The following GPSM1 variants were observed in gnomAD, a reference collection of about 807,000 sequenced individuals.
GPSM1 encodes G protein signaling modulator 1, also known as G protein-signaling modulator 1.
Under a neutral mutation model 70.5 loss-of-function variants are expected in GPSM1, and 48 were observed. That is an observed-to-expected ratio of 0.68 (90% CI 0.54 to 0.87). The LOEUF (loss-of-function observed/expected upper bound fraction) is 0.87, where lower values mean the gene tolerates loss of function less well. GPSM1 is among the 40% of genes least tolerant of loss of function. The pLI is 0.00. For synonymous variants in GPSM1, 416 were observed against 430.1 expected (o/e 0.97, Z 0.41); for missense variants, 981 against 972.6 (o/e 1.01, Z -0.11).
intron 11 of GPSM1, chr9:136,354,800 G>C: frequency 7.1e-6 from 7 of 986,564 alleles, no homozygotes; most frequent in Non-Finnish European, 8.4e-6. Context: ...AGCAGACACC[G>C]GTGAGGGCTG....
At chr9:136,346,946 C>T (rs1335077059) in intron 9 of GPSM1, among the ~76,000 whole-genome samples, 1 of 152,156 alleles carries the variant, frequency 6.6e-6, no homozygotes, top group African/African-American at 2.4e-5. Flanking sequence ...CGGTGGGGTC[C>T]GGGTGCACCT....
In GPSM1 at chr9:136,348,728, C is replaced by T. The variant is rs782123320; in HGVS notation, c.1239C>T (p.Ser413=). 1.2e-5 allele frequency: 19 copies of T among 1,612,168 alleles called. No individual in the cohort carries two copies. The highest frequency in any genetic ancestry group is 8.3e-5 in the Admixed American group (5 of 59,962). Residue 413 remains serine (S), a synonymous_variant, in exon 10 of 14, where the codon AGC becomes AGT. Coordinates refer to ENST00000440944, the MANE Select transcript of GPSM1 (RefSeq NM_001145638.3). ...GARPKRTQRL[S]AETWDLLRLP... Reference sequence around the variant, plus strand: ...GACCCAAGAGGACGCAGAGGCTGAGCGCGGAGACCTGGGACCTGCTGAGAC... The same window carrying T: ...GACCCAAGAGGACGCAGAGGCTGAGTGCGGAGACCTGGGACCTGCTGAGAC...
At chr9:136,346,211 G>A (rs997386703) in intron 9 of GPSM1, among the ~76,000 whole-genome samples, 2 of 152,216 alleles carry the variant, frequency 1.3e-5, no homozygotes, top group African/African-American at 4.8e-5. Context: ...GGCCAGGCCA[G>A]GGAAGCGCAC....
chr9:136,340,531 G>A lies in GPSM1; in HGVS notation c.1084-339G>A, dbSNP rs1366728568. ...CCGGGAGGGTCCCCCACAGAGCCTC[G>A]GCGCACAAGGCAGGGGCTGAGAGAG... On this transcript the variant is annotated intron_variant, in intron 8 of 13. Coordinates refer to ENST00000440944, the MANE Select transcript of GPSM1 (RefSeq NM_001145638.3). The surrounding 1 kb of genome is among the most constrained non-coding windows in gnomAD (Gnocchi z 7.3). 2.0e-5 allele frequency among the ~76,000 whole-genome samples: 3 copies of A among 152,000 alleles called. No homozygotes were observed. Among genetic ancestry groups the A allele is most frequent in the Admixed American group, 2.0e-4 (3 of 15,274 alleles).
At chr9:136,329,992 G>C (rs1169987849) in intron 1 of GPSM1, among the ~76,000 whole-genome samples, 1 of 151,116 alleles carries the variant, frequency 6.6e-6, no homozygotes, top group Non-Finnish European at 1.5e-5. Flanking sequence ...GGCCCTGGGT[G>C]CTGGGTCGGT....
intron 1 of GPSM1, among the ~76,000 whole-genome samples, chr9:136,332,782 CTT>C (rs1166368941): frequency 6.9e-6 from 1 of 145,482 alleles, no homozygotes; most frequent in Non-Finnish European, 1.5e-5. Context: ...GAGAGGATCA[CTT>C]GAGCTCAGGA....
chr9:136,356,593 C>A, intron 13 of GPSM1, 43 bp downstream of exon 13: 1 of 1,476,012 alleles, frequency 6.8e-7, no homozygotes, highest in Non-Finnish European at 9.3e-7. Context: ...GGCCCCTTTG[C>A]CATCCACGTG....
At chr9:136,338,050 C>CT in intron 6 of GPSM1, 89 bp downstream of exon 6, 2 of 836,482 alleles carry the variant, frequency 2.4e-6, no homozygotes, top group South Asian at 1.7e-5. Context: ...AGCTGGGAAT[C>CT]TGACTGCCTC....
Position 136,342,743 on chromosome 9 carries a change from T to G in GPSM1, c.1207+1750T>G, listed in dbSNP as rs1588698136. On this transcript the variant is annotated intron_variant, in intron 9 of 13. Transcript: ENST00000440944. This position sits in a 1 kb window ranked among gnomAD's most constrained non-coding sequence, Gnocchi z 5.5. The stretch of plus-strand genomic sequence containing the variant: ...CATTCGGCAGGTGCGGAGGGCGGGG[T>G]GGATCTGCGAGCTGCGGGAGGGGAG... Among the ~76,000 whole-genome samples, 1 of 146,504 alleles carries G rather than the reference T, an allele frequency of 6.8e-6. No individual in the cohort carries two copies. Among genetic ancestry groups the G allele is most frequent in the African/African-American group, 2.5e-5 (1 of 39,510 alleles).
intron 9 of GPSM1, among the ~76,000 whole-genome samples, chr9:136,344,813 C>G (rs1210020439): frequency 2.0e-5 from 3 of 152,168 alleles, no homozygotes; most frequent in Non-Finnish European, 2.9e-5. Flanking sequence ...GGGCCTTGGC[C>G]GAAGAAGGGA....
Position 136,349,607 on chromosome 9 carries a change from C to T in GPSM1, c.1299C>T (p.His433=). Residue 433 remains histidine, a synonymous_variant, in exon 11 of 14, where the codon CAC becomes CAT. Coordinates refer to ENST00000440944, the MANE Select transcript of GPSM1 (RefSeq NM_001145638.3). ...CCCAGGAGCAGAATGGAGACAGCCA[C>T]CATTCAGGGGACTGGCGGGGGCCCA... ...PLEREQNGDS[H]HSGDWRGPSR... is the part of the protein sequence containing the mutation. The T allele has an allele frequency of 6.5e-7, 1 of 1,550,354 alleles. No homozygotes were observed. Among genetic ancestry groups the T allele is most frequent in the Non-Finnish European group, 8.7e-7 (1 of 1,146,816 alleles).
intron 3 of GPSM1, 147 bp from the exon 4 acceptor site, chr9:136,336,774 G>C: frequency 1.3e-6 from 1 of 766,976 alleles, no homozygotes; most frequent in South Asian, 1.9e-5. Context: ...TCAGGCTTCC[G>C]CCCCTGCCTT....
Position 136,356,337 on chromosome 9 carries a change from C to G in GPSM1, c.1613-5C>G, listed in dbSNP as rs782533407. On this transcript the variant is annotated splice_region_variant and splice_polypyrimidine_tract_variant and intron_variant, in intron 12 of 13. Transcript: ENST00000440944. ...TCCCAGGTCTCACCCTCTGGCCCCC[C>G]GCAGCCCAGCCCTCGATGACGGCCT... 9 of 1,566,344 alleles carry G rather than the reference C, an allele frequency of 5.7e-6. No homozygotes were observed. The highest frequency in any genetic ancestry group is 7.8e-6 in the Non-Finnish European group (9 of 1,154,794).
chr9:136,354,910 T>C (rs1832773410), intron 11 of GPSM1: 2 of 1,015,578 alleles, frequency 2.0e-6, no homozygotes, highest in African/African-American at 1.7e-5. Flanking sequence ...GTCTGGGAAG[T>C]GTTCCAGGCC....
At chr9:136,327,800 G>A (rs1448197642) in intron 1 of GPSM1, 37 bp downstream of exon 1, 2 of 914,374 alleles carry the variant, frequency 2.2e-6, no homozygotes, top group Non-Finnish European at 2.8e-6. Context: ...GGCCGGGGCT[G>A]GGACCGGACC....
intron 11 of GPSM1, among the ~76,000 whole-genome samples, chr9:136,353,788 G>A (rs1824398823): frequency 1.3e-5 from 2 of 152,104 alleles, no homozygotes; most frequent in African/African-American, 2.4e-5. Flanking sequence ...TGTGCCCTAG[G>A]TCATCATAGC....
chr9:136,332,884 C>G (rs28420802), intron 1 of GPSM1, among the ~76,000 whole-genome samples: 41,916 of 148,534 alleles, frequency 0.28, 6,855 homozygotes, highest in Middle Eastern at 0.44. Flanking sequence ...TGGTGCAAAC[C>G]TGAAGTCCCA....
chr9:136,347,120 C>T (rs1225237903), intron 9 of GPSM1, among the ~76,000 whole-genome samples: 1 of 152,104 alleles, frequency 6.6e-6, no homozygotes, highest in East Asian at 1.9e-4. Flanking sequence ...AGCAGCTTCA[C>T]TTTAGGAGCT....
At chr9:136,344,800 C>T (rs1031992942) in intron 9 of GPSM1, among the ~76,000 whole-genome samples, 8 of 152,146 alleles carry the variant, frequency 5.3e-5, no homozygotes, top group African/African-American at 1.4e-4. Flanking sequence ...CGGAGCAAGG[C>T]GAGGGCCTTG....
Sources: gnomAD v4.1 joint callset for allele counts (sites outside exome capture counted in the v4.1 genomes callset) on GRCh38, gnomAD v4.1.1 for gene constraint, Gnocchi (gnomAD v3.1) non-coding constraint, MANE v1.5 for transcripts, NCBI Gene and HGNC (gene_info 2026-07-23, HGNC 2026-07-21) for gene names.